SIK3: variants seen among roughly 807,000 people sequenced by gnomAD.
SIK3 encodes serine/threonine-protein kinase SIK3.
In SIK3, 28 loss-of-function variants were observed where a neutral mutation model predicts 144.2. The ratio of observed to expected loss-of-function variants is 0.19; its 90% confidence interval spans 0.14 to 0.27. SIK3 has a LOEUF of 0.27. SIK3 is among the 10% of genes least tolerant of loss of function. The pLI, the probability that SIK3 is intolerant of heterozygous loss-of-function variation, is 1.00. For missense variants in SIK3, 1,319 were observed against 1,776.0 expected, an observed-to-expected ratio of 0.74 and a Z score of 4.62; for synonymous variants, 686 against 676.3, an observed-to-expected ratio of 1.01 and a Z score of -0.22.
At chr11:117,020,248 C>CATATATATATATATATATACAT in intron 1 of SIK3, among the ~76,000 whole-genome samples, 1 of 100,762 alleles carries the variant, frequency 9.9e-6, no homozygotes, top group South Asian at 3.2e-4. Flanking sequence ...TATATATATA[C>CATATATATATATATATATACAT]ACATACATAT....
At chr11:116,863,203 T>G (rs1254596467) in intron 16 of SIK3, among the ~76,000 whole-genome samples, 1 of 152,186 alleles carries the variant, frequency 6.6e-6, no homozygotes, top group East Asian at 1.9e-4. Context: ...AGTTTGATCC[T>G]GGGGAGGGCT....
intron 1 of SIK3, among the ~76,000 whole-genome samples, chr11:117,050,305 C>CACAA (rs1953178328): frequency 6.7e-6 from 1 of 149,920 alleles, no homozygotes; most frequent in South Asian, 2.1e-4. Context: ...CACACACACA[C>CACAA]AAAAAGATAT....
At chr11:116,852,856 A>G (rs941030482) in intron 21 of SIK3, among the ~76,000 whole-genome samples, 1 of 152,220 alleles carries the variant, frequency 6.6e-6, no homozygotes, top group Admixed American at 6.5e-5. Context: ...AAGCCAGATG[A>G]AAAAGAGTAT....
chr11:117,093,098 C>T (rs1955318267), intron 1 of SIK3, among the ~76,000 whole-genome samples: 1 of 152,246 alleles, frequency 6.6e-6, no homozygotes, highest in East Asian at 1.9e-4. Context: ...TCAATAGTCA[C>T]TTCTAGATTG....
At chr11:116,895,785 C>T (rs1367066181) in intron 6 of SIK3, among the ~76,000 whole-genome samples, 1 of 152,092 alleles carries the variant, frequency 6.6e-6, no homozygotes, top group Non-Finnish European at 1.5e-5. Context: ...GAAGCAGTAG[C>T]AAGACTAAGA....
At chr11:117,078,414 C>CTTTT (rs752116300) in intron 1 of SIK3, among the ~76,000 whole-genome samples, 4 of 131,482 alleles carry the variant, frequency 3.0e-5, no homozygotes, top group Non-Finnish European at 4.8e-5. Context: ...TGCATAACAC[C>CTTTT]TTTTTTTTTT....
intron 1 of SIK3, among the ~76,000 whole-genome samples, chr11:116,982,743 C>G (rs1430140387): frequency 1.3e-5 from 2 of 151,056 alleles, no homozygotes; most frequent in Admixed American, 1.3e-4. Context: ...ATCACAAGGT[C>G]AAGACATCAA....
chr11:117,091,319 C>T (rs371248392), intron 1 of SIK3, among the ~76,000 whole-genome samples: 91 of 151,448 alleles, frequency 6.0e-4, no homozygotes, highest in African/African-American at 2.2e-3. Flanking sequence ...ATTCTCCTGC[C>T]TCAGCCTCCC....
At chr11:117,057,172 T>C (rs554016563) in intron 1 of SIK3, among the ~76,000 whole-genome samples, 1 of 152,346 alleles carries the variant, frequency 6.6e-6, no homozygotes. Flanking sequence ...GTATTTTAAG[T>C]GTCCACAAAA....
chr11:116,999,832 A>G (rs988488565), intron 1 of SIK3, among the ~76,000 whole-genome samples: 3 of 152,246 alleles, frequency 2.0e-5, no homozygotes, highest in African/African-American at 7.2e-5. Context: ...ATTCTTAGAA[A>G]TGAAAATCCT....
intron 1 of SIK3, among the ~76,000 whole-genome samples, chr11:117,008,610 G>T (rs900385755): frequency 2.6e-5 from 4 of 152,060 alleles, no homozygotes; most frequent in African/African-American, 9.7e-5. Context: ...ATGAACTCTG[G>T]TTTCTTTTTA....
chr11:116,845,992 C>G (rs539501969), intron 24 of SIK3, among the ~76,000 whole-genome samples: 1 of 152,294 alleles, frequency 6.6e-6, no homozygotes, highest in East Asian at 1.9e-4. Flanking sequence ...TATTTTCCTG[C>G]CAGGTTTTGT....
At chr11:116,918,360 G>A (rs1012051625) in intron 4 of SIK3, among the ~76,000 whole-genome samples, 1 of 151,856 alleles carries the variant, frequency 6.6e-6, no homozygotes, top group Non-Finnish European at 1.5e-5. Context: ...AAGCTTTTGG[G>A]CTCAGGCTTC....
rs559261280 is a variant in SIK3, at chr11:117,075,611, G to C, written c.273+22532C>G. Reference sequence around the variant, plus strand: ...GGCTGGAGTGCAGTGGCACGATCTCGGCTCACTGCAAGCTCCGCCTCCCAG... The same window carrying C: ...GGCTGGAGTGCAGTGGCACGATCTCCGCTCACTGCAAGCTCCGCCTCCCAG... On this transcript the variant is annotated intron_variant, in intron 1 of 24. Transcript: ENST00000445177. Among the ~76,000 whole-genome samples, 137 of 147,616 alleles carry C rather than the reference G, an allele frequency of 9.3e-4. No individual in the cohort carries two copies. In the Middle Eastern group the frequency reaches 0.014, roughly 15 times the overall value.
chr11:116,907,943 G>T (rs1274347791), intron 4 of SIK3, among the ~76,000 whole-genome samples: 1 of 149,992 alleles, frequency 6.7e-6, no homozygotes, highest in Non-Finnish European at 1.5e-5. Context: ...ATTCCAGGTG[G>T]ATTATAGCCC....
chr11:116,946,657 A>T (rs886257977), intron 3 of SIK3, among the ~76,000 whole-genome samples: 3 of 152,202 alleles, frequency 2.0e-5, no homozygotes, highest in African/African-American at 7.2e-5. Flanking sequence ...CTCATGAAAC[A>T]TGAAGAAATG....
intron 3 of SIK3, among the ~76,000 whole-genome samples, chr11:116,934,443 G>A (rs1245560138): frequency 6.6e-6 from 1 of 152,192 alleles, no homozygotes; most frequent in Non-Finnish European, 1.5e-5. Context: ...TATATGACCT[G>A]TCTTCATATA....
intron 1 of SIK3, among the ~76,000 whole-genome samples, chr11:116,994,013 G>T (rs1950580074): frequency 1.3e-5 from 2 of 152,072 alleles, no homozygotes; most frequent in Non-Finnish European, 2.9e-5. Flanking sequence ...ATTTAAACAG[G>T]TATAAACAGT....
At chr11:116,883,835 G>A (rs1456708513) in intron 6 of SIK3, among the ~76,000 whole-genome samples, 1 of 152,086 alleles carries the variant, frequency 6.6e-6, no homozygotes, top group Non-Finnish European at 1.5e-5. Context: ...TCAGGAGGCT[G>A]AGGCAGGAGA....
Sources: gnomAD v4.1 joint callset for allele counts (sites outside exome capture counted in the v4.1 genomes callset) on GRCh38, gnomAD v4.1.1 for gene constraint, MANE v1.5 for transcripts, NCBI Gene and HGNC (gene_info 2026-07-23, HGNC 2026-07-21) for gene names.